FUBP3: variants seen among roughly 807,000 people sequenced by gnomAD.
FUBP3 encodes far upstream element binding protein 3.
A neutral mutation model predicts 85.6 loss-of-function variants in FUBP3; 28 were observed. The observed-to-expected ratio is 0.33, with a 90% CI of 0.24 to 0.45. The LOEUF is 0.45. Among genes scored for constraint, FUBP3 ranks in the 20% least tolerant of loss-of-function variants. The probability of loss-of-function intolerance (pLI) is 1.00; values close to 1 mark genes in which losing one functional copy is unlikely to be tolerated. For synonymous variants in FUBP3, 271 were observed against 271.4 expected, an observed-to-expected ratio of 1.00 and a Z score of 0.01; for missense variants, 583 against 755.1, an observed-to-expected ratio of 0.77 and a Z score of 2.67.
intron 6 of FUBP3, 82 bp downstream of exon 6, chr9:130,614,427 C>A: frequency 1.2e-6 from 1 of 839,226 alleles, no homozygotes; most frequent in South Asian, 1.4e-5. Flanking sequence ...AACACTGTTA[C>A]TGAACACTGA....
intron 13 of FUBP3, 104 bp from the exon 14 acceptor site, chr9:130,631,453 G>A (rs1446977672): frequency 6.2e-6 from 8 of 1,294,106 alleles, no homozygotes; most frequent in South Asian, 2.7e-5. Flanking sequence ...TACTTCACTC[G>A]ACTCCATCTC....
chr9:130,602,251 A>G (rs1242135080), intron 2 of FUBP3, among the ~76,000 whole-genome samples: 2 of 152,170 alleles, frequency 1.3e-5, no homozygotes, highest in Non-Finnish European at 2.9e-5. Flanking sequence ...GTCTTGGAAC[A>G]TATCCCTCAT....
intron 1 of FUBP3, among the ~76,000 whole-genome samples, chr9:130,590,574 A>G (rs887149005): frequency 6.6e-6 from 1 of 152,202 alleles, no homozygotes; most frequent in African/African-American, 2.4e-5. Context: ...GATAAGGAGG[A>G]GAGTGGCCTT....
chr9:130,598,029 T>C (rs1374428390), intron 2 of FUBP3, among the ~76,000 whole-genome samples: 1 of 152,200 alleles, frequency 6.6e-6, no homozygotes, highest in African/African-American at 2.4e-5. Flanking sequence ...GAAAAAAATA[T>C]GGTTATCAAA....
intron 16 of FUBP3, 114 bp from the exon 17 acceptor site, chr9:130,634,553 G>C (rs1166254206): frequency 4.0e-6 from 3 of 754,922 alleles, no homozygotes; most frequent in Non-Finnish European, 6.6e-6. Context: ...CTGCGGAGCC[G>C]TGTGTGGCCA....
chr9:130,601,863 G>A (rs1315680677), intron 2 of FUBP3, among the ~76,000 whole-genome samples: 1 of 137,944 alleles, frequency 7.2e-6, no homozygotes, highest in African/African-American at 2.8e-5. Flanking sequence ...GTGTAGTGGT[G>A]CGATCTTGGC....
chr9:130,614,177 TG>T, intron 5 of FUBP3, 110 bp from the exon 6 acceptor site: 1 of 623,566 alleles, frequency 1.6e-6, no homozygotes. Context: ...TCTGGGAGCC[TG>T]GGCCTCTGCA....
chr9:130,626,591 A>C (rs1267681855), intron 12 of FUBP3, 86 bp downstream of exon 12: 4 of 1,397,104 alleles, frequency 2.9e-6, no homozygotes, highest in Non-Finnish European at 4.0e-6. Flanking sequence ...ACCTTTGGTG[A>C]GGTCCCTTTG....
chr9:130,589,691 ATATATATATATATATTTTTTT>A (rs1308824934), intron 1 of FUBP3, among the ~76,000 whole-genome samples: 4 of 28,996 alleles, frequency 1.4e-4, no homozygotes, highest in East Asian at 1.4e-3. Flanking sequence ...ATATATATAT[ATATATATATATATATTTTTTT>A]TTTTTTTTTT....
rs762339389 is a variant in FUBP3, at chr9:130,609,939, T to C, written c.191-15T>C. 1.1e-5 allele frequency: 17 copies of C among 1,603,004 alleles called. No homozygotes were observed. The Admixed American group carries it at 1.2e-4, about 11-fold the overall frequency. On this transcript the variant is annotated splice_polypyrimidine_tract_variant and intron_variant, in intron 2 of 18. Coordinates refer to ENST00000319725, the MANE Select transcript of FUBP3 (RefSeq NM_003934.2). ...TAATGCTTTGATTTTTTTTTTCTCT[T>C]TCTCTTTGCCACAGTAGGTAACCAG... is the stretch of plus-strand genomic sequence containing the variant.
intron 2 of FUBP3, among the ~76,000 whole-genome samples, chr9:130,599,592 C>T (rs538731433): frequency 3.3e-5 from 5 of 152,066 alleles, no homozygotes; most frequent in South Asian, 4.2e-4. Context: ...AATGCCTGTC[C>T]GTGGGAAGAG....
rs973030970 is a variant in FUBP3, at chr9:130,637,084, C to T, written c.*62C>T. ...ATTGTCAAAGAAAACCTATTTGTAA[C>T]AGAGGTTTTTACATTTGCAAACCTT... On this transcript the variant is annotated 3_prime_UTR_variant, in exon 19 of 19. Transcript: ENST00000319725. The T allele has an allele frequency of 1.4e-5, 20 of 1,404,492 alleles. No individual in the cohort carries two copies. The South Asian group carries it at 2.3e-4, about 16-fold the overall frequency. 87.0% of individuals were successfully genotyped at this position (1,404,492 alleles called of 1,614,324 possible). A position where few individuals can be genotyped will look rare whatever the true frequency, so the allele number is the denominator to read the frequency against.
At position 130,622,786 on chromosome 9, in the gene FUBP3, G is replaced by T. The variant is rs762322895; in HGVS notation, c.850G>T (p.Gly284Cys). 14 of 1,579,374 alleles carry T rather than the reference G, an allele frequency of 8.9e-6. No homozygotes were observed. The highest frequency in any genetic ancestry group is 1.2e-5 in the Non-Finnish European group (14 of 1,152,226). The stretch of plus-strand genomic sequence containing the variant: ...GATCAAAAAGATCCAGAATGATGCT[G>T]GTGTGAGGATTCAGTTTAAACCAGG... Reference protein sequence around the residue: ...EMIKKIQNDAGVRIQFKPDDG... With the variant: ...EMIKKIQNDACVRIQFKPDDG... Residue 284 changes from glycine (G) to cysteine (C), a missense_variant, in exon 10 of 19, where the codon GGT becomes TGT. By Grantham distance (159) the Gly-to-Cys change is radical. Coordinates refer to ENST00000319725, the MANE Select transcript of FUBP3 (RefSeq NM_003934.2).
At chr9:130,624,310 A>C (rs146968027) in intron 11 of FUBP3, among the ~76,000 whole-genome samples, 1 of 152,258 alleles carries the variant, frequency 6.6e-6, no homozygotes, top group Non-Finnish European at 1.5e-5. Context: ...TGTTCCCAGC[A>C]GCAGACTCAG....
At chr9:130,627,612 T>C (rs908526050) in intron 12 of FUBP3, among the ~76,000 whole-genome samples, 1 of 152,184 alleles carries the variant, frequency 6.6e-6, no homozygotes, top group Non-Finnish European at 1.5e-5. Flanking sequence ...TCAGAGTTGG[T>C]ATGGGTTCGT....
At chr9:130,582,533 TAAA>T (rs1354540902) in intron 1 of FUBP3, among the ~76,000 whole-genome samples, 4 of 152,302 alleles carry the variant, frequency 2.6e-5, no homozygotes, top group South Asian at 4.1e-4. Flanking sequence ...TGCTGGATAT[TAAA>T]AAACATCTGT....
At chr9:130,599,913 G>T (rs1831069435) in intron 2 of FUBP3, among the ~76,000 whole-genome samples, 4 of 152,068 alleles carry the variant, frequency 2.6e-5, no homozygotes, top group African/African-American at 4.8e-5. Flanking sequence ...CACCTCCTGT[G>T]CTCCTCCTGT....
intron 13 of FUBP3, chr9:130,631,320 C>T: frequency 7.2e-7 from 1 of 1,398,472 alleles, no homozygotes; most frequent in Non-Finnish European, 9.3e-7. Flanking sequence ...AGGGTGATGC[C>T]AGGGCAGTTG....
Position 130,630,757 on chromosome 9 carries a change from T to A in FUBP3, c.1247T>A (p.Val416Glu), listed in dbSNP as rs377058050. The change falls in exon 13 of 19, where the codon GTG becomes GAG. Residue 416 changes from valine to glutamate, a missense_variant. Physicochemically the swap from Val to Glu is moderately radical, Grantham distance 121. This residue lies in a region of FUBP3 where 404 missense variants were observed against 516.8 expected (regional missense o/e 0.78). Transcript: ENST00000319725. Reference protein sequence around the residue: ...TIRGVPQQIEVARQLIDEKVG... With the variant: ...TIRGVPQQIEEARQLIDEKVG... ...AGGGGGGTTCCCCAGCAGATCGAGGTGGCCAGGCAGCTCATAGATGAGAAA... is the reference window on the plus strand; with the variant it reads ...AGGGGGGTTCCCCAGCAGATCGAGGAGGCCAGGCAGCTCATAGATGAGAAA... 4 of 1,543,662 alleles carry A rather than the reference T, an allele frequency of 2.6e-6. No homozygotes were observed. Among genetic ancestry groups the A allele is most frequent in the Non-Finnish European group, 3.5e-6 (4 of 1,146,798 alleles).
Sources: gnomAD v4.1 joint callset for allele counts (sites outside exome capture counted in the v4.1 genomes callset) on GRCh38, gnomAD v4.1.1 for gene constraint, gnomAD v4.1.1 regional missense constraint, MANE v1.5 for transcripts, NCBI Gene and HGNC (gene_info 2026-07-23, HGNC 2026-07-21) for gene names.